SRPK2: variants seen among roughly 807,000 people sequenced by gnomAD.
The protein encoded by SRPK2 is SRSF protein kinase 2, also known as SFRS protein kinase 2.
Under a neutral mutation model 90.8 loss-of-function variants are expected in SRPK2, and 21 were observed. The observed-to-expected ratio is 0.23, with a 90% CI of 0.16 to 0.33. The LOEUF is 0.33. Ranked by LOEUF, SRPK2 falls within the 10% of genes least tolerant of loss-of-function variation. SRPK2 has a pLI of 1.00. For synonymous variants in SRPK2, 288 were observed against 311.1 expected (o/e 0.93, Z 0.78); for missense variants, 620 against 869.0 (o/e 0.71, Z 3.60).
At chr7:105,355,364 G>A (rs2132134889) in intron 2 of SRPK2, among the ~76,000 whole-genome samples, 1 of 152,170 alleles carries the variant, frequency 6.6e-6, no homozygotes, top group Non-Finnish European at 1.5e-5. Flanking sequence ...TCATTAGCAA[G>A]CAAGGCACAG....
chr7:105,306,384 T>G (rs558015453), intron 2 of SRPK2: 69 of 384,322 alleles, frequency 1.8e-4, no homozygotes, highest in South Asian at 1.3e-3. Flanking sequence ...TGAATTATTT[T>G]TGCAAAGTAC....
intron 3 of SRPK2, among the ~76,000 whole-genome samples, chr7:105,178,591 G>A (rs2129595806): frequency 1.3e-5 from 2 of 152,302 alleles, no homozygotes; most frequent in East Asian, 3.9e-4. Context: ...ACATGAGGCA[G>A]GAGGATCACT....
At chr7:105,213,277 G>A (rs186259114) in intron 2 of SRPK2, among the ~76,000 whole-genome samples, 5 of 152,296 alleles carry the variant, frequency 3.3e-5, no homozygotes, top group African/African-American at 1.2e-4. Context: ...GAGTTTCACA[G>A]GCAAGTGGGA....
At chr7:105,327,363 A>G (rs1310330236) in intron 2 of SRPK2, among the ~76,000 whole-genome samples, 1 of 152,230 alleles carries the variant, frequency 6.6e-6, no homozygotes, top group Middle Eastern at 3.2e-3. Context: ...CTTCCACACT[A>G]CAATGGCAGA....
intron 15 of SRPK2, 109 bp from the exon 16 acceptor site, chr7:105,118,131 T>TTAC: frequency 9.4e-7 from 1 of 1,060,718 alleles, no homozygotes; most frequent in Non-Finnish European, 1.4e-6. Context: ...TGCTCAACAC[T>TTAC]TGTACAGCAA....
chr7:105,128,426 A>G (rs1309572678), intron 13 of SRPK2, among the ~76,000 whole-genome samples: 3 of 152,220 alleles, frequency 2.0e-5, no homozygotes, highest in South Asian at 4.2e-4. Context: ...CACCCAATAA[A>G]CAAAGAAGAC....
intron 2 of SRPK2, among the ~76,000 whole-genome samples, chr7:105,321,105 T>C (rs1038660928): frequency 1.3e-5 from 2 of 152,172 alleles, no homozygotes; most frequent in Admixed American, 6.6e-5. Context: ...AGCGCTGGGA[T>C]TGCAGATGTG....
chr7:105,300,212 C>T (rs1423192939), intron 2 of SRPK2, among the ~76,000 whole-genome samples: 2 of 139,658 alleles, frequency 1.4e-5, no homozygotes, highest in African/African-American at 5.4e-5. Context: ...AAGATCACGC[C>T]ACTGCACTCC....
In SRPK2 at chr7:105,276,240, T is replaced by C. The variant is rs1313020697; in HGVS notation, c.72-72455A>G. Among the ~76,000 whole-genome samples, 3 of 151,904 alleles carry C rather than the reference T, an allele frequency of 2.0e-5. No homozygotes were observed. The South Asian group carries it at 6.2e-4, about 32-fold the overall frequency. ...CAACTACAGATGCACACCACTATGC[T>C]TGGCTAATTTTTTTTTTTGGTAGAG... On this transcript the variant is annotated intron_variant, in intron 2 of 15. Transcript: ENST00000393651.
At chr7:105,290,809 C>A (rs1464915567) in intron 2 of SRPK2, among the ~76,000 whole-genome samples, 1 of 151,106 alleles carries the variant, frequency 6.6e-6, no homozygotes, top group Non-Finnish European at 1.5e-5. Context: ...GAGGCCGAGG[C>A]GGGTGGATCA....
intron 2 of SRPK2, among the ~76,000 whole-genome samples, chr7:105,289,457 C>T (rs1808650987): frequency 1.3e-5 from 2 of 152,064 alleles, no homozygotes; most frequent in African/African-American, 4.8e-5. Context: ...AGTGCATATA[C>T]AAGTTCTGTT....
chr7:105,203,489 A>G, intron 3 of SRPK2, 139 bp downstream of exon 3: 9 of 877,678 alleles, frequency 1.0e-5, no homozygotes, highest in Non-Finnish European at 1.4e-5. Flanking sequence ...ATTTAAAATG[A>G]TAATGACACA....
At chr7:105,125,950 C>T in intron 15 of SRPK2, 1 of 767,712 alleles carries the variant, frequency 1.3e-6, no homozygotes, top group Non-Finnish European at 2.0e-6. Flanking sequence ...GACACTACCA[C>T]CGCCCGCGCA....
chr7:105,184,950 G>C (rs1043363305), intron 3 of SRPK2, among the ~76,000 whole-genome samples: 6 of 151,878 alleles, frequency 4.0e-5, no homozygotes, highest in Non-Finnish European at 8.8e-5. Flanking sequence ...TGTTTCATGG[G>C]CAAAGGAGGA....
At chr7:105,121,807 C>A (rs1356543918) in intron 15 of SRPK2, among the ~76,000 whole-genome samples, 6 of 152,198 alleles carry the variant, frequency 3.9e-5, no homozygotes, top group Non-Finnish European at 7.3e-5. Flanking sequence ...TCTCTTGAAT[C>A]TTAAAGTGGT....
chr7:105,280,408 G>A (rs1281906644), intron 2 of SRPK2, among the ~76,000 whole-genome samples: 1 of 150,466 alleles, frequency 6.6e-6, no homozygotes, highest in African/African-American at 2.5e-5. Context: ...GGGTGACAGA[G>A]TGAGACTGTC....
chr7:105,150,572 A>G (rs1805497445), intron 7 of SRPK2, among the ~76,000 whole-genome samples: 1 of 152,236 alleles, frequency 6.6e-6, no homozygotes, highest in Non-Finnish European at 1.5e-5. Context: ...TAAGAAAGAT[A>G]ACATGATGTA....
chr7:105,337,316 G>A (rs1220535647), intron 2 of SRPK2, among the ~76,000 whole-genome samples: 1 of 150,102 alleles, frequency 6.7e-6, no homozygotes, highest in East Asian at 2.0e-4. Flanking sequence ...CTCATGAAGG[G>A]ATTTTTTTTT....
chr7:105,348,799 G>C (rs997489101), intron 2 of SRPK2, among the ~76,000 whole-genome samples: 1 of 151,778 alleles, frequency 6.6e-6, no homozygotes, highest in African/African-American at 2.4e-5. Context: ...TTTATCTAAA[G>C]AAAGTTATCA....
Sources: gnomAD v4.1 joint callset for allele counts (sites outside exome capture counted in the v4.1 genomes callset) on GRCh38, gnomAD v4.1.1 for gene constraint, MANE v1.5 for transcripts, NCBI Gene and HGNC (gene_info 2026-07-23, HGNC 2026-07-21) for gene names.